Variants in VDAC1 observed in about 807,000 individuals in gnomAD.
The protein encoded by VDAC1 is non-selective voltage-gated ion channel VDAC1.
A neutral mutation model predicts 34.7 loss-of-function variants in VDAC1; 10 were observed. The observed-to-expected ratio is 0.29, with a 90% CI of 0.18 to 0.49. The LOEUF (loss-of-function observed/expected upper bound fraction) is 0.49. Ranked by LOEUF, VDAC1 falls within the 20% of genes least tolerant of loss-of-function variation. VDAC1 has a pLI of 0.99. For synonymous variants in VDAC1, 130 were observed against 136.0 expected (o/e 0.96, Z 0.30); for missense variants, 230 against 347.9 (o/e 0.66, Z 2.69).
the VDAC1 span, among the ~76,000 whole-genome samples, chr5:134,095,073 T>TA: frequency 6.6e-6 from 1 of 152,136 alleles, no homozygotes; most frequent in African/African-American, 2.4e-5. Flanking sequence ...ACGTGCCATG[T>TA]AAAAAAAGGT....
chr5:134,026,995 C>G, the VDAC1 span, among the ~76,000 whole-genome samples: 1 of 152,168 alleles, frequency 6.6e-6, no homozygotes, highest in Non-Finnish European at 1.5e-5. Context: ...CCTGGACTCC[C>G]AGGGGCATTT....
At chr5:134,022,804 T>A in the VDAC1 span, among the ~76,000 whole-genome samples, 1 of 152,176 alleles carries the variant, frequency 6.6e-6, no homozygotes, top group Non-Finnish European at 1.5e-5. Flanking sequence ...TTAGAATGAT[T>A]ATTAAAAAGT....
chr5:133,979,725 G>C (rs1425228757), intron 6 of VDAC1, among the ~76,000 whole-genome samples: 1 of 152,132 alleles, frequency 6.6e-6, no homozygotes, highest in Non-Finnish European at 1.5e-5. Flanking sequence ...ACGACGCCCG[G>C]CCAAAATGGA....
intron 8 of VDAC1, among the ~76,000 whole-genome samples, 199 bp from the exon 9 acceptor site, chr5:133,973,061 C>T (rs563350902): frequency 6.6e-6 from 1 of 152,278 alleles, no homozygotes; most frequent in South Asian, 2.1e-4. Flanking sequence ...TATAATTATC[C>T]CACCGCCCAG....
At chr5:134,066,421 T>C in the VDAC1 span, among the ~76,000 whole-genome samples, 1 of 152,242 alleles carries the variant, frequency 6.6e-6, no homozygotes, top group Non-Finnish European at 1.5e-5. Context: ...TTATTTTGTT[T>C]TGTTTTTGTT....
the VDAC1 span, among the ~76,000 whole-genome samples, chr5:134,105,687 AC>A: frequency 6.6e-6 from 1 of 152,158 alleles, no homozygotes; most frequent in Non-Finnish European, 1.5e-5. Flanking sequence ...TGCAGCCACC[AC>A]CCACACCCAG....
the VDAC1 span, among the ~76,000 whole-genome samples, chr5:134,089,464 A>G: frequency 6.6e-6 from 1 of 152,240 alleles, no homozygotes; most frequent in Non-Finnish European, 1.5e-5. Flanking sequence ...ATGAAAAATG[A>G]TAGAAATTAC....
At chr5:134,070,958 A>G in the VDAC1 span, among the ~76,000 whole-genome samples, 2 of 152,166 alleles carry the variant, frequency 1.3e-5, no homozygotes, top group Non-Finnish European at 2.9e-5. Context: ...TAGGATTTTC[A>G]CAGGAAACCG....
At chr5:134,047,979 A>T in the VDAC1 span, among the ~76,000 whole-genome samples, 1 of 139,434 alleles carries the variant, frequency 7.2e-6, no homozygotes, top group Non-Finnish European at 1.5e-5. Context: ...GTTCTGCACC[A>T]CTACACTCCA....
the VDAC1 span, among the ~76,000 whole-genome samples, chr5:134,083,115 C>T: frequency 2.6e-5 from 4 of 151,668 alleles, no homozygotes; most frequent in Admixed American, 2.0e-4. Flanking sequence ...CATAAAGTCA[C>T]TTGCCTTGGG....
the VDAC1 span, among the ~76,000 whole-genome samples, chr5:134,079,775 T>C: frequency 6.6e-6 from 1 of 152,226 alleles, no homozygotes. Flanking sequence ...GAGTTGCTTT[T>C]GGCGGAGGCA....
At chr5:133,989,490 T>A (rs894336371) in intron 5 of VDAC1, among the ~76,000 whole-genome samples, 2 of 148,236 alleles carry the variant, frequency 1.3e-5, no homozygotes, top group Admixed American at 6.7e-5. Flanking sequence ...ATCCCAAGTA[T>A]CTGGGACTAC....
At chr5:133,980,688 A>AGGGG in intron 6 of VDAC1, 41 bp downstream of exon 6, 2 of 612,644 alleles carry the variant, frequency 3.3e-6, no homozygotes, top group Non-Finnish European at 3.1e-6. Context: ...CACATGCTCC[A>AGGGG]ACCCCACCCC....
chr5:134,108,603 C>T, the VDAC1 span, among the ~76,000 whole-genome samples: 1 of 152,152 alleles, frequency 6.6e-6, no homozygotes, highest in Non-Finnish European at 1.5e-5. Flanking sequence ...CTTGAAGCCC[C>T]ATGCAAGGCA....
At chr5:134,083,387 A>G in the VDAC1 span, among the ~76,000 whole-genome samples, 18 of 152,026 alleles carry the variant, frequency 1.2e-4, no homozygotes, top group African/African-American at 4.1e-4. Context: ...TGGGGGTTTC[A>G]CTATGTTGGC....
intron 1 of VDAC1, among the ~76,000 whole-genome samples, chr5:134,001,715 TA>T (rs10717143): frequency 0.2 from 22,460 of 110,176 alleles, 2,096 homozygotes; most frequent in East Asian, 0.41. Context: ...AGACTCCATC[TA>T]AAAAAAAAAA....
At chr5:133,988,145 A>C (rs1046733594) in intron 5 of VDAC1, among the ~76,000 whole-genome samples, 2 of 152,230 alleles carry the variant, frequency 1.3e-5, no homozygotes, top group African/African-American at 4.8e-5. Flanking sequence ...ACTATATGAT[A>C]TCAACATTAA....
chr5:134,018,235 G>A, the VDAC1 span, among the ~76,000 whole-genome samples: 2 of 152,260 alleles, frequency 1.3e-5, no homozygotes, highest in East Asian at 3.9e-4. Flanking sequence ...TACATCATGT[G>A]GCAAGAGCAG....
the VDAC1 span, among the ~76,000 whole-genome samples, chr5:134,070,960 A>G: frequency 6.6e-6 from 1 of 152,242 alleles, no homozygotes; most frequent in African/African-American, 2.4e-5. Context: ...GGATTTTCAC[A>G]GGAAACCGGT....
Sources: gnomAD v4.1 joint callset for allele counts (sites outside exome capture counted in the v4.1 genomes callset) on GRCh38, gnomAD v4.1.1 for gene constraint, MANE v1.5 for transcripts, NCBI Gene and HGNC (gene_info 2026-07-23, HGNC 2026-07-21) for gene names.